GRB14: variants seen among roughly 807,000 people sequenced by gnomAD.
The protein encoded by GRB14 is growth factor receptor bound protein 14, also known as growth factor receptor-bound protein 14.
Under a neutral mutation model 69.1 loss-of-function variants are expected in GRB14, and 38 were observed. The observed-to-expected ratio is 0.55, with a 90% CI of 0.42 to 0.72. The LOEUF (loss-of-function observed/expected upper bound fraction) is 0.72. Among genes scored for constraint, GRB14 ranks in the 30% least tolerant of loss-of-function variants. The probability of loss-of-function intolerance (pLI) is 0.00; values close to 1 mark genes in which losing one functional copy is unlikely to be tolerated. For missense variants in GRB14, 666 were observed against 666.1 expected (o/e 1.00, Z 0.00); for synonymous variants, 247 against 241.3 (o/e 1.02, Z -0.22).
chr2:164,523,095 A>G (rs570935095), intron 5 of GRB14, among the ~76,000 whole-genome samples: 1 of 152,202 alleles, frequency 6.6e-6, no homozygotes, highest in South Asian at 2.1e-4. Context: ...AGAGAGACAG[A>G]GACACCAAGG....
At chr2:164,595,386 A>G (rs1689759146) in intron 2 of GRB14, among the ~76,000 whole-genome samples, 1 of 152,220 alleles carries the variant, frequency 6.6e-6, no homozygotes, top group Non-Finnish European at 1.5e-5. Flanking sequence ...ATGCTATGAA[A>G]ACAAACAAAC....
chr2:164,499,121 C>T (rs182965907), intron 9 of GRB14, among the ~76,000 whole-genome samples: 1 of 152,224 alleles, frequency 6.6e-6, no homozygotes, highest in African/African-American at 2.4e-5. Flanking sequence ...ATCATAATAG[C>T]TTTATCCTTA....
intron 8 of GRB14, 33 bp downstream of exon 8, chr2:164,508,422 G>T: frequency 6.5e-7 from 1 of 1,538,240 alleles, no homozygotes; most frequent in Non-Finnish European, 9.0e-7. Context: ...ACTCACAGCA[G>T]TTAATAGAAA....
At chr2:164,496,672 T>C (rs756415235) in intron 12 of GRB14, among the ~76,000 whole-genome samples, 2 of 152,168 alleles carry the variant, frequency 1.3e-5, no homozygotes, top group African/African-American at 2.4e-5. Flanking sequence ...CAAATCAAAA[T>C]ATTGACACTT....
intron 3 of GRB14, among the ~76,000 whole-genome samples, chr2:164,544,347 A>G (rs1005374976): frequency 2.2e-4 from 34 of 152,294 alleles, no homozygotes; most frequent in African/African-American, 8.2e-4. Context: ...TACAGAGCAG[A>G]TTTTTATTAC....
intron 2 of GRB14, among the ~76,000 whole-genome samples, chr2:164,563,310 T>C (rs1018219065): frequency 6.6e-6 from 1 of 152,194 alleles, no homozygotes; most frequent in Admixed American, 6.5e-5. Flanking sequence ...CCAAGGCACT[T>C]GTAGAGGAGA....
In GRB14 at chr2:164,502,280, C is replaced by T; in HGVS notation, c.1079G>A (p.Cys360Tyr). The T allele has an allele frequency of 6.2e-7, 1 of 1,604,264 alleles. No homozygotes were observed. ...CATAGGTGATATGCTCTGTGAACTG[C>T]AGCCACTTCTACCTTGATATGGATG... ...YMHPYQGRSG[C>Y]SSQSISPMRS... Residue 360 changes from cysteine (C) to tyrosine (Y), a missense_variant, in exon 9 of 14, where the codon TGC becomes TAC. Cys to Tyr is a radical substitution (Grantham distance 194). Transcript: ENST00000263915.
chr2:164,559,782 T>A (rs1688774783), intron 2 of GRB14, among the ~76,000 whole-genome samples: 1 of 152,272 alleles, frequency 6.6e-6, no homozygotes, highest in Admixed American at 6.5e-5. Flanking sequence ...TAATGACTTA[T>A]TTTCCTCTGG....
chr2:164,562,859 T>G (rs4599138), intron 2 of GRB14, among the ~76,000 whole-genome samples: 1 of 152,074 alleles, frequency 6.6e-6, no homozygotes, highest in South Asian at 2.1e-4. Context: ...AAAGCATACA[T>G]ATAATCTGCT....
chr2:164,534,192 T>A (rs1410097800), intron 3 of GRB14, among the ~76,000 whole-genome samples: 1 of 152,194 alleles, frequency 6.6e-6, no homozygotes, highest in African/African-American at 2.4e-5. Flanking sequence ...TTACCTTATA[T>A]ACTAGCCTGG....
rs192724443 is a variant in GRB14 at position 164,602,066 on chromosome 2, T to C, written c.324+17621A>G. ...GAATTCTACTCTGCAATATTATCCATAGTATAGGCCTGGCCTATTTATAAA... is the reference window on the plus strand; with the variant it reads ...GAATTCTACTCTGCAATATTATCCACAGTATAGGCCTGGCCTATTTATAAA... On this transcript the variant is annotated intron_variant, in intron 2 of 13. Coordinates refer to ENST00000263915, the MANE Select transcript of GRB14 (RefSeq NM_004490.3). 2.7e-5 allele frequency among the ~76,000 whole-genome samples: 4 copies of C among 150,830 alleles called. No individual in the cohort carries two copies. In the East Asian group the frequency reaches 5.9e-4, roughly 22 times the overall value.
At chr2:164,597,659 T>C (rs868063387) in intron 2 of GRB14, among the ~76,000 whole-genome samples, 1 of 149,546 alleles carries the variant, frequency 6.7e-6, no homozygotes, top group African/African-American at 2.5e-5. Flanking sequence ...AGAAAAAGAA[T>C]GGAGGGAGGG....
At position 164,621,208 on chromosome 2, in the gene GRB14, G is replaced by C; in HGVS notation, c.102C>G (p.Gly34=). ...AQVCGAAQGR[G]DAHDLAPAPW... ...GGGCCGGCGCCAGGTCGTGGGCGTCGCCCCTCCCCTGGGCAGCGCCACACA... is the reference window on the plus strand; with the variant it reads ...GGGCCGGCGCCAGGTCGTGGGCGTCCCCCCTCCCCTGGGCAGCGCCACACA... Residue 34 remains glycine, a synonymous_variant, in exon 1 of 14, where the codon GGC becomes GGG. Transcript: ENST00000263915. This position sits in a 1 kb window ranked among gnomAD's most constrained non-coding sequence, Gnocchi z 6.0. 2 of 1,245,098 alleles carry C rather than the reference G, an allele frequency of 1.6e-6. No homozygotes were observed. The highest frequency in any genetic ancestry group is 6.2e-5 in the East Asian group (2 of 32,084). 77.1% of individuals were successfully genotyped at this position (1,245,098 alleles called of 1,614,324 possible).
intron 6 of GRB14, among the ~76,000 whole-genome samples, chr2:164,515,257 C>G (rs191383406): frequency 6.6e-6 from 1 of 152,210 alleles, no homozygotes; most frequent in Non-Finnish European, 1.5e-5. Flanking sequence ...CCAACCAACA[C>G]AAAACGAGCA....
At chr2:164,497,967 G>C (rs1320639704) in intron 9 of GRB14, among the ~76,000 whole-genome samples, 1 of 152,050 alleles carries the variant, frequency 6.6e-6, no homozygotes, top group African/African-American at 2.4e-5. Context: ...TAGTTTTTAA[G>C]ATTCAAGATA....
chr2:164,610,058 G>A (rs1690131403), intron 2 of GRB14, among the ~76,000 whole-genome samples: 1 of 152,206 alleles, frequency 6.6e-6, no homozygotes, highest in Non-Finnish European at 1.5e-5. Context: ...GGAGCTTACT[G>A]GGAGCACAGG....
At chr2:164,555,985 A>G (rs1232478302) in intron 2 of GRB14, among the ~76,000 whole-genome samples, 1 of 152,090 alleles carries the variant, frequency 6.6e-6, no homozygotes, top group Non-Finnish European at 1.5e-5. Context: ...TTCATGAGAA[A>G]TATTTTTATA....
Position 164,584,290 on chromosome 2 carries a change from C to CCA in GRB14, c.324+35395_324+35396dup, listed in dbSNP as rs934265898. Among the ~76,000 whole-genome samples, 7 of 150,996 alleles carry CCA rather than the reference C, an allele frequency of 4.6e-5. No homozygotes were observed. In the Admixed American group the frequency reaches 4.6e-4, roughly 10 times the overall value. On this transcript the variant is annotated intron_variant, in intron 2 of 13. Transcript: ENST00000263915. ...AAAGTGCTAGGATTACAGGCGTGAA[C>CCA]CACCGCACCAGGCCAGCATTGCAAT... is the stretch of plus-strand genomic sequence containing the variant.
chr2:164,562,436 C>G (rs377500420), intron 2 of GRB14, among the ~76,000 whole-genome samples: 1 of 152,050 alleles, frequency 6.6e-6, no homozygotes, highest in African/African-American at 2.4e-5. Context: ...GCAGTGGGAG[C>G]AAGCATTTGA....
Sources: allele counts gnomAD v4.1 joint callset (sites outside exome capture counted in the v4.1 genomes callset), GRCh38; gene constraint gnomAD v4.1.1; non-coding constraint Gnocchi (gnomAD v3.1); transcripts MANE v1.5; gene names NCBI Gene and HGNC (gene_info 2026-07-23, HGNC 2026-07-21).